The following RBFOX1 variants were observed in gnomAD, a reference collection of about 807,000 sequenced individuals.
The protein encoded by RBFOX1 is RNA binding protein fox-1 homolog 1.
RBFOX1 carries 8 observed loss-of-function variants against 57.7 expected under a neutral mutation model. The observed-to-expected ratio is 0.14, with a 90% confidence interval of 0.08 to 0.25. RBFOX1 has a LOEUF of 0.25. RBFOX1 is among the 10% of genes least tolerant of loss of function. The pLI is 1.00. For synonymous variants in RBFOX1, 326 were observed against 222.4 expected (o/e 1.47, Z -4.15); for missense variants, 611 against 548.5 (o/e 1.11, Z -1.14).
intron 4 of RBFOX1, among the ~76,000 whole-genome samples, chr16:7,407,412 G>A (rs1386845913): frequency 1.3e-5 from 2 of 151,274 alleles, no homozygotes; most frequent in Non-Finnish European, 2.9e-5. Flanking sequence ...GTGTATGTGT[G>A]TGGTGCAGAG....
intron 1 of RBFOX1, among the ~76,000 whole-genome samples, chr16:6,224,197 T>C (rs930838967): frequency 2.5e-4 from 37 of 147,424 alleles, no homozygotes; most frequent in Admixed American, 1.4e-3. Flanking sequence ...TCTTTTTTGG[T>C]TCCATATGAA....
intron 3 of RBFOX1, among the ~76,000 whole-genome samples, chr16:5,706,783 G>A (rs1567424991): frequency 1.3e-5 from 2 of 152,018 alleles, no homozygotes; most frequent in Admixed American, 6.6e-5. Context: ...GAATTTGCAG[G>A]AAGGACTTAA....
chr16:7,437,004 C>T (rs1156656686), intron 4 of RBFOX1, among the ~76,000 whole-genome samples: 2 of 152,118 alleles, frequency 1.3e-5, no homozygotes. Flanking sequence ...TCTCTTAAAC[C>T]CAGGAGGTGG....
At chr16:7,426,790 C>T (rs745393825) in intron 4 of RBFOX1, among the ~76,000 whole-genome samples, 5 of 152,134 alleles carry the variant, frequency 3.3e-5, no homozygotes, top group African/African-American at 4.8e-5. Flanking sequence ...ACTACACCTA[C>T]AGGGGTGTAA....
At position 6,716,302 on chromosome 16, in the gene RBFOX1, C is replaced by T. The variant is rs562291548; in HGVS notation, c.-16+61652C>T. Among the ~76,000 whole-genome samples the T allele has an allele frequency of 5.4e-4, 82 of 152,260 alleles. 3 individuals carry two copies. In the South Asian group the frequency reaches 0.013, roughly 25 times the overall value. ...ATCGTTGCTTTTCATAAACAACTTC[C>T]GATCCCTTCTGTGGGGTATTTTCCA... On this transcript the variant is annotated intron_variant, in intron 3 of 15. Coordinates refer to ENST00000550418, the MANE Select transcript of RBFOX1 (RefSeq NM_018723.4).
intron 4 of RBFOX1, among the ~76,000 whole-genome samples, chr16:7,211,206 A>C (rs13336823): frequency 6.6e-6 from 1 of 151,730 alleles, no homozygotes; most frequent in Non-Finnish European, 1.5e-5. Context: ...CCTGGCTAAC[A>C]CAGTTAAACC....
intron 2 of RBFOX1, among the ~76,000 whole-genome samples, chr16:6,342,401 A>G (rs543589925): frequency 6.6e-5 from 10 of 152,280 alleles, no homozygotes; most frequent in Admixed American, 3.9e-4. Context: ...TGCCATGGCA[A>G]TCTTTTCACA....
At chr16:7,702,413 C>T (rs1415114191) in intron 14 of RBFOX1, among the ~76,000 whole-genome samples, 1 of 152,206 alleles carries the variant, frequency 6.6e-6, no homozygotes, top group East Asian at 1.9e-4. Context: ...AGAGATTTGT[C>T]AGAAGCCTTC....
intron 3 of RBFOX1, among the ~76,000 whole-genome samples, chr16:6,947,718 A>T (rs909779523): frequency 2.6e-5 from 4 of 152,306 alleles, no homozygotes; most frequent in Admixed American, 6.5e-5. Context: ...AAATCTATTT[A>T]TAAACGTTTA....
chr16:7,332,346 T>A (rs1021165072), intron 4 of RBFOX1, among the ~76,000 whole-genome samples: 1 of 152,192 alleles, frequency 6.6e-6, no homozygotes, highest in African/African-American at 2.4e-5. Context: ...GTAGCACACA[T>A]TGTGCAAATA....
intron 3 of RBFOX1, among the ~76,000 whole-genome samples, chr16:6,938,536 C>G (rs540793215): frequency 3.3e-5 from 5 of 150,966 alleles, no homozygotes; most frequent in African/African-American, 9.8e-5. Context: ...GCCTAACATT[C>G]TAGCATTACC....
Position 5,629,034 on chromosome 16 carries a change from C to A in RBFOX1, c.318+30073C>A, listed in dbSNP as rs572222546. ...AATGATGCCATCCAGGCCCCAAGCA[C>A]CCATCGTAGGGCAAACAAATGCACC... On this transcript the variant is annotated intron_variant, in intron 3 of 19. Coordinates refer to the RBFOX1 transcript ENST00000641259. Among the ~76,000 whole-genome samples the A allele has an allele frequency of 3.9e-5, 6 of 152,152 alleles. 1 individual carries two copies. The South Asian group carries it at 1.2e-3, about 32-fold the overall frequency.
chr16:6,861,356 G>A (rs997079956), intron 3 of RBFOX1, among the ~76,000 whole-genome samples: 1 of 152,082 alleles, frequency 6.6e-6, no homozygotes, highest in Non-Finnish European at 1.5e-5. Context: ...GTAAAGAGAT[G>A]CAGTACCCTC....
intron 3 of RBFOX1, among the ~76,000 whole-genome samples, chr16:5,615,547 C>T (rs1400991565): frequency 6.6e-6 from 1 of 152,242 alleles, no homozygotes; most frequent in Non-Finnish European, 1.5e-5. Context: ...GACAAGGCAG[C>T]TGGCTGCCAA....
At chr16:7,622,947 A>G (rs1210566748) in intron 10 of RBFOX1, among the ~76,000 whole-genome samples, 5 of 152,322 alleles carry the variant, frequency 3.3e-5, no homozygotes, top group Non-Finnish European at 7.4e-5. Context: ...CTTGCGTTCA[A>G]AAATGCATGA....
intron 2 of RBFOX1, among the ~76,000 whole-genome samples, chr16:6,585,167 G>T (rs2097589919): frequency 6.6e-6 from 1 of 152,152 alleles, no homozygotes; most frequent in Non-Finnish European, 1.5e-5. Flanking sequence ...CCAAGGCAGT[G>T]CCAGGAATCC....
intron 3 of RBFOX1, among the ~76,000 whole-genome samples, chr16:6,674,583 A>C (rs759349105): frequency 6.6e-6 from 1 of 152,080 alleles, no homozygotes; most frequent in Non-Finnish European, 1.5e-5. Context: ...CAGCCTCCCA[A>C]AGTGTTGGAA....
intron 2 of RBFOX1, among the ~76,000 whole-genome samples, chr16:5,483,919 C>T (rs1342657663): frequency 2.0e-5 from 3 of 150,236 alleles, no homozygotes; most frequent in South Asian, 4.2e-4. Context: ...GCTTGTGATC[C>T]CAGCACTTTG....
chr16:7,343,179 G>A (rs569781220), intron 4 of RBFOX1, among the ~76,000 whole-genome samples: 1 of 152,140 alleles, frequency 6.6e-6, no homozygotes, highest in South Asian at 2.1e-4. Context: ...AATAAGAATA[G>A]CTCCCATCTG....
Sources: gnomAD v4.1 joint callset for allele counts (sites outside exome capture counted in the v4.1 genomes callset) on GRCh38, gnomAD v4.1.1 for gene constraint, MANE v1.5 for transcripts, NCBI Gene and HGNC (gene_info 2026-07-23, HGNC 2026-07-21) for gene names.